Variants in MARCHF1 observed in about 807,000 individuals in gnomAD.
MARCHF1 encodes the protein E3 ubiquitin-protein ligase MARCHF1.
A neutral mutation model predicts 54.2 loss-of-function variants in MARCHF1; 40 were observed. The observed-to-expected ratio is 0.74, with a 90% CI of 0.57 to 0.96. The LOEUF (loss-of-function observed/expected upper bound fraction) is 0.96. Among genes scored for constraint, MARCHF1 ranks in the 40% least tolerant of loss-of-function variants. MARCHF1 has a pLI of 0.00. For missense variants in MARCHF1, 586 were observed against 656.5 expected (o/e 0.89, Z 1.17); for synonymous variants, 236 against 236.3 (o/e 1.00, Z 0.01).
chr4:164,213,674 T>A (rs1731845425), intron 1 of MARCHF1, among the ~76,000 whole-genome samples: 1 of 152,112 alleles, frequency 6.6e-6, no homozygotes, highest in African/African-American at 2.4e-5. Context: ...ATTTAACAAA[T>A]TTAAAATGTA....
At chr4:164,174,025 T>C (rs541753297) in intron 1 of MARCHF1, among the ~76,000 whole-genome samples, 1 of 152,196 alleles carries the variant, frequency 6.6e-6, no homozygotes, top group Non-Finnish European at 1.5e-5. Flanking sequence ...TCTCACACTA[T>C]AAGGTCAACA....
intron 3 of MARCHF1, among the ~76,000 whole-genome samples, chr4:163,958,224 A>G (rs1752270456): frequency 6.7e-6 from 1 of 148,456 alleles, no homozygotes; most frequent in South Asian, 2.2e-4. Flanking sequence ...TTGCTTTCCC[A>G]AATGACTTTC....
rs112074128 is a variant in MARCHF1, at chr4:164,170,094, A to G, written c.-322-58432T>C. Among the ~76,000 whole-genome samples the G allele has an allele frequency of 7.9e-3, 1,198 of 152,212 alleles. 18 individuals are homozygous for G. Among genetic ancestry groups the G allele is most frequent in the African/African-American group, 0.028 (1,152 of 41,554 alleles). ...CCCACAAAGGCAGATGTACAGGGAA[A>G]CCACCAAAAAGAAAAAATGAAAGGA... On this transcript the variant is annotated intron_variant, in intron 1 of 9. Transcript: ENST00000514618.
At chr4:163,961,560 T>C (rs1219943052) in intron 3 of MARCHF1, among the ~76,000 whole-genome samples, 1 of 151,878 alleles carries the variant, frequency 6.6e-6, no homozygotes, top group Non-Finnish European at 1.5e-5. Context: ...TTTCACGTGC[T>C]ACCCTTCTCC....
chr4:163,890,202 G>A (rs1305808129), intron 3 of MARCHF1, among the ~76,000 whole-genome samples: 1 of 151,678 alleles, frequency 6.6e-6, no homozygotes, highest in Non-Finnish European at 1.5e-5. Context: ...CCAAAGTGCT[G>A]GGATTACAGG....
chr4:164,210,444 G>C (rs933562943), intron 1 of MARCHF1, among the ~76,000 whole-genome samples: 1 of 152,102 alleles, frequency 6.6e-6, no homozygotes, highest in African/African-American at 2.4e-5. Flanking sequence ...AGATATGGAA[G>C]AAAGATCAGG....
intron 3 of MARCHF1, among the ~76,000 whole-genome samples, chr4:163,886,199 ATCTC>A (rs1560803433): frequency 2.0e-5 from 3 of 150,360 alleles, no homozygotes; most frequent in Non-Finnish European, 4.4e-5. Context: ...CTATAGATCT[ATCTC>A]TCAATATATA....
chr4:164,100,983 G>C (rs569680409), intron 2 of MARCHF1, among the ~76,000 whole-genome samples: 4 of 152,332 alleles, frequency 2.6e-5, no homozygotes, highest in African/African-American at 4.8e-5. Flanking sequence ...CCCTTTCTGA[G>C]TCAAAGAAAG....
intron 1 of MARCHF1, among the ~76,000 whole-genome samples, chr4:164,143,904 C>T (rs1729582260): frequency 6.6e-6 from 1 of 152,176 alleles, no homozygotes; most frequent in Non-Finnish European, 1.5e-5. Context: ...CAAGACCCAT[C>T]AGTGTGCTGT....
At chr4:164,180,007 C>T (rs1370636128) in intron 1 of MARCHF1, among the ~76,000 whole-genome samples, 1 of 150,032 alleles carries the variant, frequency 6.7e-6, no homozygotes, top group Non-Finnish European at 1.5e-5. Flanking sequence ...TGGGTTCATT[C>T]ACCACTGACT....
At chr4:164,359,491 A>T (rs1219242031) in intron 1 of MARCHF1, among the ~76,000 whole-genome samples, 2 of 152,128 alleles carry the variant, frequency 1.3e-5, no homozygotes, top group African/African-American at 4.8e-5. Context: ...AGCTCATCTG[A>T]AGTCCTTACT....
intron 3 of MARCHF1, among the ~76,000 whole-genome samples, chr4:163,967,668 C>T (rs1181424716): frequency 6.6e-6 from 1 of 152,146 alleles, no homozygotes; most frequent in Non-Finnish European, 1.5e-5. Context: ...CTCTATCTAC[C>T]TATTCACCCA....
chr4:163,663,850 TA>T (rs1175078175), intron 5 of MARCHF1, among the ~76,000 whole-genome samples: 1 of 152,062 alleles, frequency 6.6e-6, no homozygotes, highest in African/African-American at 2.4e-5. Context: ...TAGGCTTTAA[TA>T]TTAGCCTCTT....
intron 4 of MARCHF1, among the ~76,000 whole-genome samples, chr4:163,739,120 CTTTCA>C (rs1235161792): frequency 1.3e-5 from 2 of 152,164 alleles, no homozygotes; most frequent in African/African-American, 4.8e-5. Flanking sequence ...AGCATTTTGG[CTTTCA>C]TTTATTTACT....
At chr4:164,326,865 G>A (rs1193300619) in intron 1 of MARCHF1, among the ~76,000 whole-genome samples, 1 of 151,070 alleles carries the variant, frequency 6.6e-6, no homozygotes, top group Non-Finnish European at 1.5e-5. Flanking sequence ...TGTGACCCTA[G>A]GTATTTTTCT....
chr4:164,345,977 TA>T (rs1485807575), intron 1 of MARCHF1, among the ~76,000 whole-genome samples: 2 of 152,146 alleles, frequency 1.3e-5, no homozygotes, highest in Non-Finnish European at 1.5e-5. Context: ...ATTGAATAAA[TA>T]AACAAGATCA....
intron 2 of MARCHF1, among the ~76,000 whole-genome samples, chr4:164,068,118 G>A (rs974175110): frequency 9.9e-5 from 15 of 152,160 alleles, no homozygotes; most frequent in African/African-American, 2.4e-4. Context: ...ATACACTATC[G>A]GTGAGAATGT....
intron 4 of MARCHF1, among the ~76,000 whole-genome samples, chr4:163,811,531 G>T (rs182217342): frequency 6.6e-6 from 1 of 151,834 alleles, no homozygotes; most frequent in African/African-American, 2.4e-5. Context: ...AGGAAGGAAA[G>T]AAAAAGACCA....
At chr4:164,142,064 G>C (rs907376218) in intron 1 of MARCHF1, among the ~76,000 whole-genome samples, 1 of 152,170 alleles carries the variant, frequency 6.6e-6, no homozygotes, top group Non-Finnish European at 1.5e-5. Flanking sequence ...GGTGACAGAC[G>C]GCACCTGGAA....
Sources: gnomAD v4.1 joint callset for allele counts (sites outside exome capture counted in the v4.1 genomes callset) on GRCh38, gnomAD v4.1.1 for gene constraint, MANE v1.5 for transcripts, NCBI Gene and HGNC (gene_info 2026-07-23, HGNC 2026-07-21) for gene names.